TENT2: variants seen among roughly 807,000 people sequenced by gnomAD.
TENT2 encodes terminal nucleotidyltransferase 2, also known as poly(A) RNA polymerase GLD2.
TENT2 carries 44 observed loss-of-function variants against 72.2 expected under a neutral mutation model. That is an observed-to-expected ratio of 0.61 (90% CI 0.48 to 0.78). The LOEUF is 0.78. TENT2 is among the 30% of genes least tolerant of loss of function. The pLI is 0.00. For synonymous variants in TENT2, 212 were observed against 192.5 expected (o/e 1.10, Z -0.84); for missense variants, 541 against 569.6 (o/e 0.95, Z 0.51).
intron 13 of TENT2, among the ~76,000 whole-genome samples, chr5:79,681,417 C>T (rs2150959578): frequency 6.6e-6 from 1 of 152,072 alleles, no homozygotes; most frequent in Admixed American, 6.5e-5. Flanking sequence ...CTCAGGCTCC[C>T]AAAGTGCTGG....
rs529717111 is a variant in TENT2 at position 79,655,881 on chromosome 5, C to T, written c.1028-1077C>T. ...AAGGAAATTTAAATAAAGCATCCTA[C>T]TTTGTACTGCGTGGTAAAAATTTAT... is the stretch of plus-strand genomic sequence containing the variant. On this transcript the variant is annotated intron_variant, in intron 10 of 14. Coordinates refer to ENST00000453514, the MANE Select transcript of TENT2 (RefSeq NM_001114394.3). Among the ~76,000 whole-genome samples, 5 of 151,870 alleles carry T rather than the reference C, an allele frequency of 3.3e-5. No homozygotes were observed. The South Asian group carries it at 1.0e-3, about 32-fold the overall frequency.
chr5:79,627,671 G>A (rs918848214), intron 4 of TENT2, among the ~76,000 whole-genome samples: 1 of 152,098 alleles, frequency 6.6e-6, no homozygotes, highest in African/African-American at 2.4e-5. Flanking sequence ...TTTTAGTAGA[G>A]ATGGGGTTTT....
At chr5:79,622,440 T>A (rs1021171576) in intron 3 of TENT2, among the ~76,000 whole-genome samples, 4 of 152,246 alleles carry the variant, frequency 2.6e-5, no homozygotes, top group Admixed American at 2.6e-4. Context: ...AAATACTTAC[T>A]CTTTAATGAT....
At chr5:79,617,076 A>G (rs983860088) in intron 1 of TENT2, among the ~76,000 whole-genome samples, 8 of 151,934 alleles carry the variant, frequency 5.3e-5, no homozygotes, top group African/African-American at 1.7e-4. Flanking sequence ...AGAGGCAGCT[A>G]CTTCAATTCT....
intron 12 of TENT2, among the ~76,000 whole-genome samples, chr5:79,673,054 G>A (rs1814230640): frequency 1.3e-5 from 2 of 152,188 alleles, no homozygotes; most frequent in Non-Finnish European, 2.9e-5. Flanking sequence ...GTGATGTTGA[G>A]CAGCTTTGCA....
intron 8 of TENT2, among the ~76,000 whole-genome samples, chr5:79,647,560 A>G (rs1258430647): frequency 6.6e-6 from 1 of 152,214 alleles, no homozygotes; most frequent in Admixed American, 6.5e-5. Flanking sequence ...ATTTTTATTA[A>G]TATGCATGGA....
intron 6 of TENT2, among the ~76,000 whole-genome samples, chr5:79,641,677 T>C (rs1266225162): frequency 6.6e-6 from 1 of 151,722 alleles, no homozygotes; most frequent in African/African-American, 2.4e-5. Context: ...AAATTTAAAA[T>C]ATTTTTCTCT....
chr5:79,639,816 A>C (rs1435004616), intron 4 of TENT2, among the ~76,000 whole-genome samples: 3 of 152,164 alleles, frequency 2.0e-5, no homozygotes, highest in Non-Finnish European at 4.4e-5. Context: ...ACATTATAGG[A>C]GTGTATACTG....
intron 12 of TENT2, among the ~76,000 whole-genome samples, chr5:79,669,610 A>G (rs2150667160): frequency 6.6e-6 from 1 of 152,274 alleles, no homozygotes; most frequent in South Asian, 2.1e-4. Flanking sequence ...AGTTACTTGC[A>G]GCTCTTCTGA....
At chr5:79,613,782 C>G (rs1192510589) in intron 1 of TENT2, among the ~76,000 whole-genome samples, 1 of 152,186 alleles carries the variant, frequency 6.6e-6, no homozygotes, top group Non-Finnish European at 1.5e-5. Context: ...ATATCCTGTT[C>G]AAAACCTGGA....
intron 4 of TENT2, among the ~76,000 whole-genome samples, chr5:79,634,359 T>C (rs1369897382): frequency 6.6e-6 from 1 of 151,996 alleles, no homozygotes; most frequent in African/African-American, 2.4e-5. Context: ...TTTTTTGAGA[T>C]GGAGTCTTGC....
At chr5:79,629,016 G>A (rs1297173222) in intron 4 of TENT2, among the ~76,000 whole-genome samples, 1 of 152,188 alleles carries the variant, frequency 6.6e-6, no homozygotes, top group African/African-American at 2.4e-5. Flanking sequence ...GAGTCAGTGA[G>A]GCTGCTGTTA....
At chr5:79,636,336 T>G (rs1780117973) in intron 4 of TENT2, among the ~76,000 whole-genome samples, 1 of 152,204 alleles carries the variant, frequency 6.6e-6, no homozygotes, top group African/African-American at 2.4e-5. Context: ...ATGACTAATC[T>G]TATTTCACCT....
chr5:79,640,916 A>G lies in TENT2; in HGVS notation c.531A>G (p.Lys177=), dbSNP rs765905954. Residue 177 remains lysine (K), a synonymous_variant, in exon 5 of 15, where the codon AAA becomes AAG. Transcript: ENST00000453514. ...AGCAAATAAGTGATTTAAAGAAGAAAGAACTCTGTCGAACACAGCTGCAGA... is the reference window on the plus strand; with the variant it reads ...AGCAAATAAGTGATTTAAAGAAGAAGGAACTCTGTCGAACACAGCTGCAGA... ...CQQQISDLKK[K]ELCRTQLQRE... 4 of 1,612,680 alleles carry G rather than the reference A, an allele frequency of 2.5e-6. No homozygotes were observed. The Admixed American group carries it at 5.0e-5, about 20-fold the overall frequency.
At chr5:79,625,671 G>C (rs1226437188) in intron 4 of TENT2, among the ~76,000 whole-genome samples, 3 of 151,892 alleles carry the variant, frequency 2.0e-5, no homozygotes, top group Non-Finnish European at 4.4e-5. Context: ...TTTGCTGTTG[G>C]TCCAGTTGTC....
intron 1 of TENT2, among the ~76,000 whole-genome samples, chr5:79,616,004 T>G (rs1410169961): frequency 6.6e-6 from 1 of 151,642 alleles, no homozygotes; most frequent in Admixed American, 6.6e-5. Flanking sequence ...TTCCCCTGCC[T>G]CAGCCTCCCA....
At chr5:79,634,463 A>G (rs1381709640) in intron 4 of TENT2, among the ~76,000 whole-genome samples, 1 of 151,956 alleles carries the variant, frequency 6.6e-6, no homozygotes, top group Non-Finnish European at 1.5e-5. Context: ...CAGCCTCTCA[A>G]GTAGCTTGGA....
intron 14 of TENT2, among the ~76,000 whole-genome samples, chr5:79,682,313 C>T (rs191614629): frequency 2.0e-5 from 3 of 152,192 alleles, no homozygotes; most frequent in African/African-American, 7.2e-5. Context: ...GAGTTTCACT[C>T]TTGTTGCCCA....
intron 4 of TENT2, among the ~76,000 whole-genome samples, chr5:79,627,896 G>A (rs553698422): frequency 9.2e-5 from 14 of 152,264 alleles, no homozygotes; most frequent in South Asian, 2.1e-4. Context: ...GAAAGCTAAC[G>A]TTTATTGATG....
Sources: gnomAD v4.1 joint callset for allele counts (sites outside exome capture counted in the v4.1 genomes callset) on GRCh38, gnomAD v4.1.1 for gene constraint, MANE v1.5 for transcripts, NCBI Gene and HGNC (gene_info 2026-07-23, HGNC 2026-07-21) for gene names.